COL16A1: variants seen among roughly 807,000 people sequenced by gnomAD.
COL16A1 encodes collagen alpha-1(XVI) chain.
A neutral mutation model predicts 266.3 loss-of-function variants in COL16A1; 189 were observed. The ratio of observed to expected loss-of-function variants is 0.71; its 90% CI spans 0.63 to 0.80. COL16A1 has a LOEUF of 0.80. Among genes scored for constraint, COL16A1 ranks in the 30% least tolerant of loss-of-function variants. The pLI, the probability that COL16A1 is intolerant of heterozygous loss-of-function variation, is 0.00. For synonymous variants in COL16A1, 740 were observed against 782.3 expected (o/e 0.95, Z 0.90); for missense variants, 1,928 against 2,122.4 (o/e 0.91, Z 1.80).
At position 31,656,826 on chromosome 1, in the gene COL16A1, A is replaced by C; in HGVS notation, c.4056+207T>G. 9.7e-6 allele frequency: 4 copies of C among 410,562 alleles called. No individual in the cohort carries two copies. The South Asian group carries it at 1.7e-4, about 17-fold the overall frequency. The allele number at this position is 410,562 out of a possible 1,614,324, so 25.4% of individuals were successfully genotyped here. The stretch of plus-strand genomic sequence containing the variant: ...CTTTTTGACCAGGTACAGGGTTTAA[A>C]AAAAAAAAAAAAAAGGTAAAACAAA... On this transcript the variant is annotated intron_variant, in intron 65 of 70. Transcript: ENST00000373672. The surrounding 1 kb of genome is among the most constrained non-coding windows in gnomAD (Gnocchi z 4.2).
rs889205377 is a variant in COL16A1 at position 31,664,454 on chromosome 1, G to T, written c.3555+718C>A. Among the ~76,000 whole-genome samples, 1 of 152,092 alleles carries T rather than the reference G, an allele frequency of 6.6e-6. No individual in the cohort carries two copies. Among genetic ancestry groups the T allele is most frequent in the Non-Finnish European group, 1.5e-5 (1 of 68,016 alleles). On this transcript the variant is annotated intron_variant, in intron 56 of 70. Transcript: ENST00000373672. This position sits in a 1 kb window ranked among gnomAD's most constrained non-coding sequence, Gnocchi z 5.5. ...GAAAGAGGCTCCCACCTGTCCCTCT[G>T]AACCCAGGTCCCCCGACCCCAAGCT...
At chr1:31,655,286 G>A (rs753812865) in intron 67 of COL16A1, 28 bp downstream of exon 67, 2 of 1,604,172 alleles carry the variant, frequency 1.2e-6, no homozygotes, top group Middle Eastern at 1.9e-4. Flanking sequence ...ATGGGACAGT[G>A]CCCACAGCTG....
At position 31,695,233 on chromosome 1, in the gene COL16A1, G is replaced by A. The variant is rs761566612; in HGVS notation, c.946-12C>T. On this transcript the variant is annotated splice_polypyrimidine_tract_variant and intron_variant, in intron 10 of 70. Coordinates refer to ENST00000373672, the MANE Select transcript of COL16A1 (RefSeq NM_001856.4). ...ACACAGGGCGGACACTGAAAGGGAA[G>A]AGCAGGCGAAGAGGTCAATTCTGAG... 1.9e-5 allele frequency: 31 copies of A among 1,613,766 alleles called. No homozygotes were observed. Among genetic ancestry groups the A allele is most frequent in the Non-Finnish European group, 2.5e-5 (29 of 1,179,940 alleles).
At chr1:31,653,043 A>G (rs1018387107) in intron 70 of COL16A1, among the ~76,000 whole-genome samples, 190 bp from the exon 71 acceptor site, 22 of 152,256 alleles carry the variant, frequency 1.4e-4, no homozygotes, top group African/African-American at 5.3e-4. Flanking sequence ...TTTTATTTAG[A>G]ACTTCCATGT....
intron 2 of COL16A1, 131 bp downstream of exon 2, chr1:31,701,990 G>T (rs1002019810): frequency 5.6e-6 from 8 of 1,420,236 alleles, no homozygotes; most frequent in East Asian, 2.4e-5. Context: ...ATCACCCTGA[G>T]CCCAGCCCCT....
Position 31,653,820 on chromosome 1 carries a change from C to A in COL16A1, c.4534+47G>T, listed in dbSNP as rs1412665461. Reference sequence around the variant, plus strand: ...AGACCTCATGGAATACTTAGGCCTGCCCCAAAGAATTACATGTGTCCCTTG... The same window carrying A: ...AGACCTCATGGAATACTTAGGCCTGACCCAAAGAATTACATGTGTCCCTTG... On this transcript the variant is annotated intron_variant, in intron 69 of 70. Transcript: ENST00000373672. 3.2e-6 allele frequency: 5 copies of A among 1,582,886 alleles called. No homozygotes were observed. In the South Asian group the frequency reaches 4.6e-5, roughly 14 times the overall value.
chr1:31,690,579 G>T lies in COL16A1; in HGVS notation c.1438-6C>A, dbSNP rs1298459714. On this transcript the variant is annotated splice_region_variant and splice_polypyrimidine_tract_variant and intron_variant, in intron 20 of 70. Coordinates refer to ENST00000373672, the MANE Select transcript of COL16A1 (RefSeq NM_001856.4). ...CCTGGGATCCCCGAGCTGCCCTGTG[G>T]TCAGAAGAAAGGATAAGCGGGGAGC... The T allele has an allele frequency of 3.1e-6, 5 of 1,613,478 alleles. No homozygotes were observed. The highest frequency in any genetic ancestry group is 4.2e-6 in the Non-Finnish European group (5 of 1,179,786).
chr1:31,703,634 A>C (rs1198714075), intron 1 of COL16A1, among the ~76,000 whole-genome samples: 1 of 152,202 alleles, frequency 6.6e-6, no homozygotes, highest in East Asian at 1.9e-4. Flanking sequence ...GAAGCTTCCA[A>C]GGAGACGGCT....
At chr1:31,675,159 AG>A in intron 43 of COL16A1, 98 bp downstream of exon 43, 1 of 1,610,354 alleles carries the variant, frequency 6.2e-7, no homozygotes, top group Non-Finnish European at 8.5e-7. Context: ...GGGAGAGAAG[AG>A]GGACCCCCAC....
chr1:31,680,123 T>A (rs1643517170), intron 39 of COL16A1, 22 bp from the exon 40 acceptor site: 1 of 1,610,984 alleles, frequency 6.2e-7, no homozygotes. Context: ...AGAGCCTTTG[T>A]GAGACATGGA....
Position 31,685,715 on chromosome 1 carries a change from C to T in COL16A1, c.1940G>A (p.Arg647His), listed in dbSNP as rs74063959. ...ALSNLQDGDV[R>H]VVALPGPSGE... is the part of the protein sequence containing the mutation. ...GGATGGGCCAGGCAAGGCCACCACA[C>T]GGACATCCCCATCCTGAAGGTTGGA... The change falls in exon 29 of 71, where the codon CGT becomes CAT. Residue 647 changes from arginine (R) to histidine (H), a missense_variant. By Grantham distance (29) the Arg-to-His change is conservative (BLOSUM62 0). Coordinates refer to ENST00000373672, the MANE Select transcript of COL16A1 (RefSeq NM_001856.4). This position sits in a 1 kb window ranked among gnomAD's most constrained non-coding sequence, Gnocchi z 4.0. 1.4e-3 allele frequency: 2,322 copies of T among 1,613,992 alleles called. 29 individuals are homozygous for T. The African/African-American group carries it at 0.027, about 19-fold the overall frequency.
chr1:31,659,117 G>C (rs1641424289), intron 62 of COL16A1, among the ~76,000 whole-genome samples, 153 bp from the exon 63 acceptor site: 1 of 152,206 alleles, frequency 6.6e-6, no homozygotes. Context: ...TTGAGCTTCG[G>C]ACAAGATTTG....
At position 31,680,889 on chromosome 1, in the gene COL16A1, G is replaced by A; in HGVS notation, c.2610+16C>T. On this transcript the variant is annotated intron_variant, in intron 39 of 70. Coordinates refer to ENST00000373672, the MANE Select transcript of COL16A1 (RefSeq NM_001856.4). ...CTAATCCCCTAGAATATGGGTCACAGGCCCTTGGAACTCACCTTCTCTCCT... is the reference window on the plus strand; with the variant it reads ...CTAATCCCCTAGAATATGGGTCACAAGCCCTTGGAACTCACCTTCTCTCCT... 6.2e-7 allele frequency: 1 copy of A among 1,614,198 alleles called. No homozygotes were observed. Among genetic ancestry groups the A allele is most frequent in the Admixed American group, 1.7e-5 (1 of 60,024 alleles).
At position 31,702,216 on chromosome 1, in the gene COL16A1, C is replaced by T. The variant is rs1644748982; in HGVS notation, c.-23G>A. ...CATCCCGGTCCAAAGAGGTCAGCTA[C>T]AGCCACAGCACCTGAAAACCACAGA... On this transcript the variant is annotated 5_prime_UTR_variant, in exon 2 of 71. Coordinates refer to ENST00000373672, the MANE Select transcript of COL16A1 (RefSeq NM_001856.4). 3.1e-6 allele frequency: 5 copies of T among 1,613,992 alleles called. No individual in the cohort carries two copies. Among genetic ancestry groups the T allele is most frequent in the East Asian group, 2.2e-5 (1 of 44,886 alleles).
At chr1:31,699,505 T>C (rs911361393) in intron 4 of COL16A1, among the ~76,000 whole-genome samples, 8 of 152,056 alleles carry the variant, frequency 5.3e-5, no homozygotes, top group Admixed American at 1.3e-4. Flanking sequence ...CACACACACA[T>C]GCACACACGC....
At chr1:31,679,913 G>A (rs770338404) in intron 40 of COL16A1, 62 bp from the exon 41 acceptor site, 173 of 1,532,180 alleles carry the variant, frequency 1.1e-4, no homozygotes, top group South Asian at 3.5e-4. Context: ...TACACCAAGC[G>A]CGGGGCTGCG....
chr1:31,697,920 C>T lies in COL16A1; in HGVS notation c.643G>A (p.Gly215Ser). The T allele has an allele frequency of 6.2e-7, 1 of 1,612,024 alleles. No individual in the cohort carries two copies. The highest frequency in any genetic ancestry group is 8.5e-7 in the Non-Finnish European group (1 of 1,179,532). The change falls in exon 6 of 71, where the codon GGC (glycine) becomes AGC (serine). Residue 215 changes from glycine to serine, a missense_variant. Around this residue, in one of 2 missense-constraint regions of COL16A1, gnomAD observed 1,552 missense variants for 1,637.2 expected, o/e 0.95. Transcript: ENST00000373672. The surrounding 1 kb of genome is among the most constrained non-coding windows in gnomAD (Gnocchi z 4.2). ...CTAGCACTCACCGAGACAGGCTTGC[C>T]CTGCTCAGCATCCAAGCCTAGAAAT... is the stretch of plus-strand genomic sequence containing the variant. ...HVFLGLDAEQ[G>S]KPVSFDLQQV...
rs1435846952 is a variant in COL16A1, at chr1:31,675,046, G to C, written c.2827-7C>G. The C allele has an allele frequency of 1.9e-6, 3 of 1,613,214 alleles. No homozygotes were observed. The highest frequency in any genetic ancestry group is 2.5e-6 in the Non-Finnish European group (3 of 1,179,668). On this transcript the variant is annotated splice_polypyrimidine_tract_variant and splice_region_variant and intron_variant, in intron 43 of 70. Transcript: ENST00000373672. Reference sequence around the variant, plus strand: ...GTTCAATTGGTAAGGATCCCTGCAAGAGACAGATGTGTGGGCTCAAGCAGG... The same window carrying C: ...GTTCAATTGGTAAGGATCCCTGCAACAGACAGATGTGTGGGCTCAAGCAGG...
At chr1:31,678,905 C>T (rs769721408) in intron 42 of COL16A1, among the ~76,000 whole-genome samples, 2 of 152,202 alleles carry the variant, frequency 1.3e-5, no homozygotes, top group Non-Finnish European at 2.9e-5. Flanking sequence ...GATCTTGGCT[C>T]CTAATGCTCT....
Sources: gnomAD v4.1 joint callset for allele counts (sites outside exome capture counted in the v4.1 genomes callset) on GRCh38, gnomAD v4.1.1 for gene constraint, gnomAD v4.1.1 regional missense constraint, Gnocchi (gnomAD v3.1) non-coding constraint, MANE v1.5 for transcripts, NCBI Gene and HGNC (gene_info 2026-07-23, HGNC 2026-07-21) for gene names.